Variants in RERE observed in about 807,000 individuals in gnomAD.
The protein encoded by RERE is arginine-glutamic acid dipeptide repeats protein.
In RERE, 40 loss-of-function variants were observed where a neutral mutation model predicts 146.1. That is an observed-to-expected ratio of 0.27 (90% CI 0.21 to 0.36). RERE has a LOEUF of 0.36. RERE is among the 10% of genes least tolerant of loss of function. The pLI is 1.00. For synonymous variants in RERE, 1,003 were observed against 866.0 expected (o/e 1.16, Z -2.78); for missense variants, 1,933 against 2,138.7 (o/e 0.90, Z 1.90).
At chr1:8,369,684 C>G (rs1001819022) in intron 12 of RERE, among the ~76,000 whole-genome samples, 2 of 152,050 alleles carry the variant, frequency 1.3e-5, no homozygotes, top group Non-Finnish European at 2.9e-5. Context: ...AATGCTCAAA[C>G]CACGATATCT....
chr1:8,743,796 C>A (rs908895777), intron 1 of RERE, among the ~76,000 whole-genome samples: 1 of 152,062 alleles, frequency 6.6e-6, no homozygotes, highest in Non-Finnish European at 1.5e-5. Context: ...TTCTTTAGGC[C>A]CACCATGACC....
intron 7 of RERE, among the ~76,000 whole-genome samples, chr1:8,528,452 T>C (rs1022718003): frequency 6.6e-5 from 10 of 152,206 alleles, no homozygotes; most frequent in African/African-American, 2.2e-4. Context: ...AATCATACCA[T>C]AGTTATGTAA....
intron 4 of RERE, among the ~76,000 whole-genome samples, chr1:8,583,821 CT>C (rs1359737211): frequency 1.3e-5 from 2 of 151,910 alleles, no homozygotes; most frequent in South Asian, 2.1e-4. Flanking sequence ...GAAGGGGGAG[CT>C]CCGTAAAGTT....
chr1:8,401,468 T>C (rs1056855654), intron 12 of RERE, among the ~76,000 whole-genome samples: 3 of 151,658 alleles, frequency 2.0e-5, no homozygotes, highest in African/African-American at 7.3e-5. Flanking sequence ...CAAATAAATA[T>C]CGGGTCTATA....
At chr1:8,756,921 G>C (rs61784172) in intron 1 of RERE, among the ~76,000 whole-genome samples, 10,581 of 152,000 alleles carry the variant, frequency 0.07, 583 homozygotes, top group Non-Finnish European at 0.098. Flanking sequence ...GTGAAACCCT[G>C]TCTCTACTAA....
chr1:8,385,658 C>A (rs1208245696), intron 12 of RERE, among the ~76,000 whole-genome samples: 1 of 151,952 alleles, frequency 6.6e-6, no homozygotes, highest in African/African-American at 2.4e-5. Context: ...ACCAGCTACC[C>A]GGAGAGCTTT....
chr1:8,582,532 G>C (rs1296579592), intron 4 of RERE, among the ~76,000 whole-genome samples: 1 of 151,870 alleles, frequency 6.6e-6, no homozygotes, highest in Non-Finnish European at 1.5e-5. Flanking sequence ...ACCACACTTG[G>C]CTATTATATT....
At chr1:8,621,553 G>A (rs553657783) in intron 3 of RERE, among the ~76,000 whole-genome samples, 8 of 152,096 alleles carry the variant, frequency 5.3e-5, no homozygotes, top group African/African-American at 1.7e-4. Context: ...ATTTCACCAC[G>A]GCAAAGGGAT....
At chr1:8,476,434 T>C (rs1570302367) in intron 10 of RERE, among the ~76,000 whole-genome samples, 1 of 152,228 alleles carries the variant, frequency 6.6e-6, no homozygotes, top group East Asian at 1.9e-4. Flanking sequence ...AAGCACACTG[T>C]CTTTTCTTAA....
intron 2 of RERE, among the ~76,000 whole-genome samples, chr1:8,636,982 C>A (rs1647109771): frequency 6.6e-6 from 1 of 152,022 alleles, no homozygotes; most frequent in African/African-American, 2.4e-5. Flanking sequence ...TTTAAATCGG[C>A]AAAATATTTA....
At position 8,356,127 on chromosome 1, in the gene RERE, G is replaced by A; in HGVS notation, c.4459C>T (p.His1487Tyr). The change falls in exon 21 of 23, where the codon CAC becomes TAC. Residue 1487 changes from histidine (H) to tyrosine (Y), a missense_variant. Physicochemically the swap from His to Tyr is moderately conservative, Grantham distance 83. Transcript: ENST00000400908. This position sits in a 1 kb window ranked among gnomAD's most constrained non-coding sequence, Gnocchi z 5.2. Reference sequence around the variant, plus strand: ...AAAACTGGGTGGCGAAGCATCTCGTGCTCGTGTGGGGGCTGTCCAAGCAGA... The same window carrying A: ...AAAACTGGGTGGCGAAGCATCTCGTACTCGTGTGGGGGCTGTCCAAGCAGA... ...NPLLGQPPHE[H>Y]EMLRHPVFGT... 2 of 1,509,030 alleles carry A rather than the reference G, an allele frequency of 1.3e-6. No homozygotes were observed. The highest frequency in any genetic ancestry group is 1.8e-6 in the Non-Finnish European group (2 of 1,132,432). The allele number at this position is 1,509,030 out of a possible 1,614,324, so 93.5% of individuals were successfully genotyped here. A position where few individuals can be genotyped will look rare whatever the true frequency, so the allele number is the denominator to read the frequency against.
intron 1 of RERE, among the ~76,000 whole-genome samples, chr1:8,789,979 T>C (rs1420009055): frequency 6.6e-6 from 1 of 152,256 alleles, no homozygotes; most frequent in Non-Finnish European, 1.5e-5. Context: ...TAGAAATCTC[T>C]AAATGTTGTA....
chr1:8,485,572 A>G (rs1225419542), intron 10 of RERE, among the ~76,000 whole-genome samples: 1 of 152,136 alleles, frequency 6.6e-6, no homozygotes, highest in Non-Finnish European at 1.5e-5. Flanking sequence ...CATGCAGACA[A>G]CAAGCATAAG....
intron 12 of RERE, chr1:8,380,755 TTC>T (rs1455044695): frequency 6.9e-6 from 3 of 433,452 alleles, no homozygotes; most frequent in African/African-American, 2.1e-5. Context: ...AGGTAGAGAT[TTC>T]TCTTTAAGGT....
At chr1:8,656,641 T>C (rs1638321708) in intron 1 of RERE, among the ~76,000 whole-genome samples, 200 bp from the exon 2 acceptor site, 2 of 152,178 alleles carry the variant, frequency 1.3e-5, no homozygotes, top group Non-Finnish European at 2.9e-5. Flanking sequence ...ATGACACCAA[T>C]AATAAAAACT....
intron 12 of RERE, among the ~76,000 whole-genome samples, chr1:8,396,719 G>A (rs1643069104): frequency 6.6e-6 from 1 of 152,124 alleles, no homozygotes; most frequent in African/African-American, 2.4e-5. Flanking sequence ...ACAATTCAGA[G>A]GCAGTTAATA....
intron 12 of RERE, among the ~76,000 whole-genome samples, chr1:8,395,834 T>C (rs145677878): frequency 6.6e-6 from 1 of 152,268 alleles, no homozygotes; most frequent in African/African-American, 2.4e-5. Flanking sequence ...AGAGGTTCCA[T>C]GCCTGAGTTG....
intron 1 of RERE, among the ~76,000 whole-genome samples, chr1:8,757,897 C>T (rs938810570): frequency 8.4e-6 from 1 of 118,524 alleles, no homozygotes; most frequent in Non-Finnish European, 1.8e-5. Context: ...TGTATACACA[C>T]ACACACACAT....
intron 3 of RERE, among the ~76,000 whole-genome samples, chr1:8,619,450 A>G (rs1377642756): frequency 2.6e-5 from 4 of 152,256 alleles, no homozygotes; most frequent in Admixed American, 2.0e-4. Context: ...CTCATTTGGT[A>G]TAAGTAACAG....
Sources: allele counts gnomAD v4.1 joint callset (sites outside exome capture counted in the v4.1 genomes callset), GRCh38; gene constraint gnomAD v4.1.1; non-coding constraint Gnocchi (gnomAD v3.1); transcripts MANE v1.5; gene names NCBI Gene and HGNC (gene_info 2026-07-23, HGNC 2026-07-21).